PRKCA: variants seen among roughly 807,000 people sequenced by gnomAD.
PRKCA encodes the protein protein kinase C alpha type.
A neutral mutation model predicts 87.0 loss-of-function variants in PRKCA; 27 were observed. The ratio of observed to expected loss-of-function variants is 0.31; its 90% confidence interval spans 0.23 to 0.43. PRKCA has a LOEUF of 0.43. PRKCA is among the 20% of genes least tolerant of loss of function. The pLI, the probability that PRKCA is intolerant of heterozygous loss-of-function variation, is 1.00. For missense variants in PRKCA, 518 were observed against 852.3 expected (o/e 0.61, Z 4.88); for synonymous variants, 329 against 311.1 (o/e 1.06, Z -0.61).
At chr17:66,361,871 G>T (rs1156438295) in intron 2 of PRKCA, among the ~76,000 whole-genome samples, 1 of 152,198 alleles carries the variant, frequency 6.6e-6, no homozygotes, top group Non-Finnish European at 1.5e-5. Context: ...ACTTGGCTCA[G>T]TTTCCACAAA....
At chr17:66,765,921 T>C (rs775258005) in intron 13 of PRKCA, among the ~76,000 whole-genome samples, 1 of 152,218 alleles carries the variant, frequency 6.6e-6, no homozygotes, top group African/African-American at 2.4e-5. Flanking sequence ...TTGTGCCCTA[T>C]ACCTGTAACT....
At chr17:66,726,774 G>T (rs747905473) in intron 8 of PRKCA, among the ~76,000 whole-genome samples, 2 of 151,576 alleles carry the variant, frequency 1.3e-5, no homozygotes, top group Non-Finnish European at 2.9e-5. Flanking sequence ...ACCCAGGCCA[G>T]AGGGCAGTGG....
intron 14 of PRKCA, among the ~76,000 whole-genome samples, chr17:66,783,860 C>T (rs979741766): frequency 2.6e-5 from 4 of 152,206 alleles, no homozygotes; most frequent in African/African-American, 9.6e-5. Flanking sequence ...CTGATTGAAT[C>T]TTGCTGGCGC....
intron 2 of PRKCA, among the ~76,000 whole-genome samples, chr17:66,333,946 G>C (rs1906507106): frequency 6.6e-6 from 1 of 152,076 alleles, no homozygotes. Context: ...GTGTAAAAAA[G>C]TGCAAATAAA....
intron 2 of PRKCA, among the ~76,000 whole-genome samples, chr17:66,321,173 A>G (rs1171625398): frequency 1.3e-5 from 2 of 152,212 alleles, no homozygotes; most frequent in Non-Finnish European, 2.9e-5. Flanking sequence ...AGTCTTATAA[A>G]TATTCCATGG....
chr17:66,585,074 G>A (rs1969552026), intron 3 of PRKCA, among the ~76,000 whole-genome samples: 2 of 145,386 alleles, frequency 1.4e-5, no homozygotes, highest in African/African-American at 2.6e-5. Context: ...GGAGGGGGGG[G>A]TGGTGGTTAA....
At chr17:66,522,595 G>A (rs893134654) in intron 3 of PRKCA, among the ~76,000 whole-genome samples, 1 of 152,090 alleles carries the variant, frequency 6.6e-6, no homozygotes, top group African/African-American at 2.4e-5. Flanking sequence ...CTTCTGTACT[G>A]GGGGTTCATG....
chr17:66,366,319 T>C (rs1908721789), intron 2 of PRKCA, among the ~76,000 whole-genome samples: 1 of 152,234 alleles, frequency 6.6e-6, no homozygotes, highest in South Asian at 2.1e-4. Flanking sequence ...AAGTATGCTT[T>C]AAAGCAAACT....
At chr17:66,406,069 G>A (rs1911352429) in intron 2 of PRKCA, among the ~76,000 whole-genome samples, 1 of 152,132 alleles carries the variant, frequency 6.6e-6, no homozygotes, top group South Asian at 2.1e-4. Flanking sequence ...CGAGTTAGTG[G>A]GTTGAGTGAT....
intron 11 of PRKCA, among the ~76,000 whole-genome samples, chr17:66,741,108 G>T (rs1008557487): frequency 7.9e-5 from 12 of 152,240 alleles, no homozygotes; most frequent in South Asian, 6.2e-4. Flanking sequence ...AGCTATTAAT[G>T]TATTAACAAT....
At chr17:66,737,256 G>A (rs200625879) in intron 10 of PRKCA, among the ~76,000 whole-genome samples, 3 of 151,902 alleles carry the variant, frequency 2.0e-5, no homozygotes, top group Admixed American at 6.6e-5. Context: ...CCAGCTACTC[G>A]GGAGGCTGAG....
rs17686174 is a variant in PRKCA, at chr17:66,604,341, G to T, written c.289-37014G>T. ...CAAATCCCAGATTAGTAGATATTGCGGGAGTCAGTTTCTAAAAGAAAACTT... is the reference window on the plus strand; with the variant it reads ...CAAATCCCAGATTAGTAGATATTGCTGGAGTCAGTTTCTAAAAGAAAACTT... On this transcript the variant is annotated intron_variant, in intron 3 of 16. Coordinates refer to ENST00000413366, the MANE Select transcript of PRKCA (RefSeq NM_002737.3). 2.6e-5 allele frequency among the ~76,000 whole-genome samples: 4 copies of T among 151,992 alleles called. No individual in the cohort carries two copies. The East Asian group carries it at 7.7e-4, about 29-fold the overall frequency.
At chr17:66,626,271 T>C (rs930755252) in intron 3 of PRKCA, among the ~76,000 whole-genome samples, 3 of 151,346 alleles carry the variant, frequency 2.0e-5, no homozygotes, top group South Asian at 2.1e-4. Context: ...AACTGGAACC[T>C]CTGCCTCCCA....
chr17:66,303,033 C>G lies in PRKCA; in HGVS notation c.173+9C>G. 6.2e-7 allele frequency: 1 copy of G among 1,605,620 alleles called. No homozygotes were observed. Among genetic ancestry groups the G allele is most frequent in the African/African-American group, 1.3e-5 (1 of 74,168 alleles). On this transcript the variant is annotated intron_variant, in intron 1 of 16. Transcript: ENST00000413366. ...TGCACCGACTTCATCTGGTAGGTGC[C>G]GGGCCGGGCACTCCTGCCCCGCTCC...
intron 5 of PRKCA, among the ~76,000 whole-genome samples, chr17:66,673,704 T>C (rs1972251683): frequency 6.6e-6 from 1 of 152,190 alleles, no homozygotes; most frequent in African/African-American, 2.4e-5. Context: ...ACACAGAATC[T>C]CAGTCTATAA....
At chr17:66,623,486 A>T (rs954272393) in intron 3 of PRKCA, among the ~76,000 whole-genome samples, 1 of 152,146 alleles carries the variant, frequency 6.6e-6, no homozygotes, top group African/African-American at 2.4e-5. Context: ...CTCCCAGGAG[A>T]TATGCAACGT....
chr17:66,435,268 T>C (rs920220276), intron 2 of PRKCA, among the ~76,000 whole-genome samples: 1 of 152,206 alleles, frequency 6.6e-6, no homozygotes, highest in African/African-American at 2.4e-5. Flanking sequence ...CCACTTAAGT[T>C]GCTATCACAG....
chr17:66,712,113 T>A (rs1973345555), intron 8 of PRKCA, among the ~76,000 whole-genome samples: 1 of 152,128 alleles, frequency 6.6e-6, no homozygotes, highest in Non-Finnish European at 1.5e-5. Flanking sequence ...CACACCTGAA[T>A]ACACTGAGCC....
At chr17:66,790,751 T>C (rs776504323) in intron 16 of PRKCA, among the ~76,000 whole-genome samples, 3 of 152,170 alleles carry the variant, frequency 2.0e-5, no homozygotes, top group Non-Finnish European at 4.4e-5. Context: ...TTTTTCTATT[T>C]ATTGCCACGT....
Sources: allele counts gnomAD v4.1 joint callset (sites outside exome capture counted in the v4.1 genomes callset), GRCh38; gene constraint gnomAD v4.1.1; transcripts MANE v1.5; gene names NCBI Gene and HGNC (gene_info 2026-07-23, HGNC 2026-07-21).